Variants in SEMA4D observed in about 807,000 individuals in gnomAD.
SEMA4D encodes semaphorin-4D.
A neutral mutation model predicts 74.8 loss-of-function variants in SEMA4D; 22 were observed. The observed-to-expected ratio is 0.29, with a 90% CI of 0.21 to 0.42. The LOEUF is 0.42. Ranked by LOEUF, SEMA4D falls within the 10% of genes least tolerant of loss-of-function variation. The probability of loss-of-function intolerance (pLI) is 1.00; values close to 1 mark genes in which losing one functional copy is unlikely to be tolerated. For synonymous variants in SEMA4D, 445 were observed against 463.7 expected, an observed-to-expected ratio of 0.96 and a Z score of 0.52; for missense variants, 937 against 1,118.4, an observed-to-expected ratio of 0.84 and a Z score of 2.31.
chr9:89,459,706 G>A (rs1008183664), intron 1 of SEMA4D, among the ~76,000 whole-genome samples: 1 of 152,090 alleles, frequency 6.6e-6, no homozygotes, highest in Non-Finnish European at 1.5e-5. Flanking sequence ...TGTGTGGCAG[G>A]CACCTTCCTT....
intron 2 of SEMA4D, among the ~76,000 whole-genome samples, chr9:89,428,565 A>T (rs1848586607): frequency 6.6e-6 from 1 of 152,000 alleles, no homozygotes; most frequent in South Asian, 2.1e-4. Context: ...GAGGAGAATG[A>T]GGCACAGGCA....
intron 13 of SEMA4D, among the ~76,000 whole-genome samples, chr9:89,382,791 G>A (rs1837440842): frequency 6.6e-6 from 1 of 152,206 alleles, no homozygotes; most frequent in Non-Finnish European, 1.5e-5. Flanking sequence ...CTGCGAGGTG[G>A]CGTGAACACC....
chr9:89,373,856 C>T (rs1835437802), downstream of SEMA4D, among the ~76,000 whole-genome samples: 1 of 152,340 alleles, frequency 6.6e-6, no homozygotes, highest in East Asian at 1.9e-4. Context: ...TCACTCTCCT[C>T]AGGAAAGTCT....
chr9:89,490,396 T>C (rs1825534377), intron 1 of SEMA4D, among the ~76,000 whole-genome samples: 1 of 152,252 alleles, frequency 6.6e-6, no homozygotes, highest in African/African-American at 2.4e-5. Context: ...CCATTTACAA[T>C]GGTTTCATTT....
At chr9:89,476,646 C>T (rs1043409536) in intron 1 of SEMA4D, among the ~76,000 whole-genome samples, 1 of 152,210 alleles carries the variant, frequency 6.6e-6, no homozygotes, top group Non-Finnish European at 1.5e-5. Flanking sequence ...GGCATCTCCA[C>T]AATCAGGTGA....
intron 16 of SEMA4D, chr9:89,369,441 G>A (rs2132382175): frequency 6.6e-6 from 1 of 152,360 alleles, no homozygotes; most frequent in East Asian, 1.9e-4. Context: ...GTCTAAACTT[G>A]ACATGGAAGA....
At chr9:89,372,156 TGTGTGTGTGGGGGGTGTGATGGGTGTG>T (rs1256761286) in intron 16 of SEMA4D, among the ~76,000 whole-genome samples, 1 of 17,998 alleles carries the variant, frequency 5.6e-5, no homozygotes, top group Non-Finnish European at 9.1e-5. Context: ...GTGTGTCGGG[TGTGTGTGTGGGGGGTGTGATGGGTGTG>T]GTGTGTGTGG....
intron 2 of SEMA4D, among the ~76,000 whole-genome samples, chr9:89,440,064 G>C (rs1380284575): frequency 6.6e-6 from 1 of 152,180 alleles, no homozygotes; most frequent in Non-Finnish European, 1.5e-5. Context: ...GTCCCACCAA[G>C]GGCAGTCCAC....
chr9:89,385,454 G>A lies in SEMA4D; in HGVS notation c.1446+913C>T, dbSNP rs547301481. ...GAGGCCCCACAGTGGCTAAAGCGTC[G>A]ACCCTTCAAATCTCCAGGGCTCCCT... On this transcript the variant is annotated intron_variant, in intron 13 of 15. Transcript: ENST00000422704. 1.2e-3 allele frequency: 1,161 copies of A among 985,338 alleles called. 2 individuals are homozygous for A. The highest frequency in any genetic ancestry group is 1.3e-3 in the Non-Finnish European group (1,105 of 829,908). The allele number at this position is 985,338 out of a possible 1,614,324, so 61.0% of individuals were successfully genotyped here. A position where few individuals can be genotyped will look rare whatever the true frequency, so the allele number is the denominator to read the frequency against.
At chr9:89,456,323 G>A (rs1185825061) in intron 1 of SEMA4D, among the ~76,000 whole-genome samples, 1 of 152,184 alleles carries the variant, frequency 6.6e-6, no homozygotes, top group Non-Finnish European at 1.5e-5. Context: ...AGGCAGCCAG[G>A]GTGGGCCAAG....
intron 7 of SEMA4D, among the ~76,000 whole-genome samples, chr9:89,392,933 G>T (rs1840172801): frequency 6.6e-6 from 1 of 152,140 alleles, no homozygotes; most frequent in Admixed American, 6.6e-5. Context: ...TAACCCTGTT[G>T]ACCAGCTGGT....
downstream of SEMA4D, chr9:89,377,027 G>A (rs1835896609): frequency 4.5e-6 from 7 of 1,541,708 alleles, no homozygotes; most frequent in African/African-American, 2.7e-5. Context: ...GGAGCCAGGA[G>A]GAGGGAGGGG....
Position 89,370,254 on chromosome 9 carries a change from T to C in SEMA4D, c.1883-6304A>G, listed in dbSNP as rs375730703. ...TGTGCATTTATTGTGTGCATGCACA[T>C]GGTGTGTGTGTTGTGTGGTGGACAT... On this transcript the variant is annotated intron_variant, in intron 16 of 18. Coordinates refer to the SEMA4D transcript ENST00000339861. Among the ~76,000 whole-genome samples, 6 of 151,222 alleles carry C rather than the reference T, an allele frequency of 4.0e-5. No homozygotes were observed. In the South Asian group the frequency reaches 1.0e-3, roughly 26 times the overall value.
At chr9:89,396,480 C>T (rs1840988983) in intron 6 of SEMA4D, among the ~76,000 whole-genome samples, 1 of 152,238 alleles carries the variant, frequency 6.6e-6, no homozygotes, top group African/African-American at 2.4e-5. Context: ...GCTCCCAGCA[C>T]CTTGAGCTGC....
intron 2 of SEMA4D, among the ~76,000 whole-genome samples, chr9:89,442,261 T>G (rs979241563): frequency 1.3e-5 from 2 of 152,188 alleles, no homozygotes; most frequent in African/African-American, 4.8e-5. Context: ...GCACCACGGC[T>G]GCCACGAGGG....
chr9:89,369,409 A>G (rs1392000647), intron 16 of SEMA4D: 2 of 152,366 alleles, frequency 1.3e-5, no homozygotes, highest in East Asian at 3.9e-4. Flanking sequence ...GGGAACCATT[A>G]TTAGCTTTGA....
chr9:89,447,896 G>A (rs970121739), intron 2 of SEMA4D, among the ~76,000 whole-genome samples: 7 of 152,206 alleles, frequency 4.6e-5, no homozygotes, highest in Admixed American at 4.6e-4. Flanking sequence ...CACAGGCATG[G>A]CGCCAGCCTT....
intron 2 of SEMA4D, among the ~76,000 whole-genome samples, chr9:89,447,124 A>G (rs2135305965): frequency 6.6e-6 from 1 of 151,952 alleles, no homozygotes; most frequent in East Asian, 1.9e-4. Context: ...TCCAATCTCG[A>G]TGGAGGCACC....
At chr9:89,436,743 G>A (rs780633293) in intron 2 of SEMA4D, among the ~76,000 whole-genome samples, 10 of 152,222 alleles carry the variant, frequency 6.6e-5, no homozygotes, top group African/African-American at 1.7e-4. Context: ...AGGGTGTGGG[G>A]GGTTGCGGCC....
Sources: gnomAD v4.1 joint callset for allele counts (sites outside exome capture counted in the v4.1 genomes callset) on GRCh38, gnomAD v4.1.1 for gene constraint, MANE v1.5 for transcripts, NCBI Gene and HGNC (gene_info 2026-07-23, HGNC 2026-07-21) for gene names.